The following ASIC2 variants were observed in gnomAD, a reference collection of about 807,000 sequenced individuals.
ASIC2 encodes acid sensing ion channel subunit 2, also known as acid-sensing ion channel 2.
A neutral mutation model predicts 57.3 loss-of-function variants in ASIC2; 25 were observed. The observed-to-expected ratio is 0.44, with a 90% CI of 0.32 to 0.61. The LOEUF (loss-of-function observed/expected upper bound fraction) is 0.61. ASIC2 is among the 20% of genes least tolerant of loss of function. The pLI is 0.06. For synonymous variants in ASIC2, 319 were observed against 307.5 expected, an observed-to-expected ratio of 1.04 and a Z score of -0.39; for missense variants, 641 against 738.1, an observed-to-expected ratio of 0.87 and a Z score of 1.52.
chr17:34,116,836 AC>A (rs1911436029), intron 1 of ASIC2, among the ~76,000 whole-genome samples: 9 of 152,100 alleles, frequency 5.9e-5, no homozygotes, highest in Middle Eastern at 3.4e-3. Flanking sequence ...AGACTCCGAT[AC>A]CTTTTGCAAG....
chr17:33,956,171 A>C (rs999471693), intron 1 of ASIC2, among the ~76,000 whole-genome samples: 2 of 152,202 alleles, frequency 1.3e-5, no homozygotes, highest in South Asian at 2.1e-4. Context: ...TGTTGAAGGA[A>C]TGCTTGGGCA....
intron 2 of ASIC2, among the ~76,000 whole-genome samples, chr17:33,110,726 A>G (rs2092254624): frequency 6.6e-6 from 1 of 152,150 alleles, no homozygotes; most frequent in South Asian, 2.1e-4. Flanking sequence ...AAGCCTGGGT[A>G]TGGTGAGTGC....
intron 1 of ASIC2, among the ~76,000 whole-genome samples, chr17:33,285,230 T>C (rs1180905121): frequency 6.6e-6 from 1 of 152,244 alleles, no homozygotes; most frequent in Non-Finnish European, 1.5e-5. Flanking sequence ...ATCCTGATGT[T>C]GGTCATTTTG....
At chr17:33,346,097 G>A (rs187719284) in intron 1 of ASIC2, among the ~76,000 whole-genome samples, 8 of 151,668 alleles carry the variant, frequency 5.3e-5, no homozygotes, top group South Asian at 2.1e-4. Flanking sequence ...CATGGTCGTG[G>A]GCGTCTGTAA....
At chr17:33,297,707 C>G (rs1346681810), upstream of ASIC2, among the ~76,000 whole-genome samples, 2 of 151,874 alleles carry the variant, frequency 1.3e-5, no homozygotes, top group African/African-American at 4.8e-5. Flanking sequence ...GTCTGTAGTT[C>G]TAGTTACTCA....
chr17:33,545,711 C>A (rs1282508953), intron 1 of ASIC2, among the ~76,000 whole-genome samples: 1 of 152,146 alleles, frequency 6.6e-6, no homozygotes, highest in Non-Finnish European at 1.5e-5. Flanking sequence ...TCAATCAGTC[C>A]TATTTATTAT....
chr17:33,357,817 C>T (rs1394388), intron 1 of ASIC2, among the ~76,000 whole-genome samples: 150,250 of 152,286 alleles, frequency 0.99, 74,138 homozygotes, highest in South Asian at 1. Context: ...TCCTAAATTC[C>T]GGGGTCTATT....
At chr17:33,038,382 C>T (rs985549975) in intron 3 of ASIC2, among the ~76,000 whole-genome samples, 10 of 152,196 alleles carry the variant, frequency 6.6e-5, no homozygotes, top group Non-Finnish European at 8.8e-5. Context: ...ATGACTCCTG[C>T]CCGGTTCAGA....
At chr17:33,779,170 T>C (rs1017950675) in intron 1 of ASIC2, among the ~76,000 whole-genome samples, 1 of 152,146 alleles carries the variant, frequency 6.6e-6, no homozygotes, top group Non-Finnish European at 1.5e-5. Context: ...CTATTGGCAG[T>C]CATTTTGTAA....
chr17:33,855,181 G>C (rs1241078125), intron 1 of ASIC2, among the ~76,000 whole-genome samples: 1 of 152,180 alleles, frequency 6.6e-6, no homozygotes, highest in East Asian at 1.9e-4. Context: ...GCTGTGAGCT[G>C]CTCCTGCAAA....
intron 1 of ASIC2, among the ~76,000 whole-genome samples, chr17:33,472,234 G>T (rs1913078155): frequency 6.6e-6 from 1 of 151,846 alleles, no homozygotes; most frequent in Non-Finnish European, 1.5e-5. Context: ...TGGCCAGTCT[G>T]GTCTCGAACT....
At chr17:33,438,829 AT>A (rs1911720757) in intron 1 of ASIC2, among the ~76,000 whole-genome samples, 1 of 151,458 alleles carries the variant, frequency 6.6e-6, no homozygotes, top group Non-Finnish European at 1.5e-5. Context: ...GGGTGGAGAA[AT>A]AATGATGGCA....
At chr17:34,101,204 G>A (rs1164455763) in intron 1 of ASIC2, among the ~76,000 whole-genome samples, 3 of 152,160 alleles carry the variant, frequency 2.0e-5, no homozygotes, top group African/African-American at 7.2e-5. Flanking sequence ...AATGGCTGTT[G>A]AGCATCCCAA....
Position 34,156,345 on chromosome 17 carries a change from C to G in ASIC2, c.188G>C (p.Arg63Thr). 1.9e-6 allele frequency: 3 copies of G among 1,614,226 alleles called. No homozygotes were observed. Among genetic ancestry groups the G allele is most frequent in the Non-Finnish European group, 2.5e-6 (3 of 1,180,044 alleles). ...CTGGTAGGAGAAGTAGTAGGACACC[C>G]TCTCAGAGCTCTCCACCAGCAGCAG... Residue 63 changes from arginine to threonine, a missense_variant, in exon 1 of 10, where the codon AGG (arginine) becomes ACG (threonine). Arg to Thr is a moderately conservative substitution (Grantham distance 71). Coordinates refer to the ASIC2 transcript ENST00000359872. The surrounding 1 kb of genome is among the most constrained non-coding windows in gnomAD (Gnocchi z 4.4).
intron 1 of ASIC2, among the ~76,000 whole-genome samples, chr17:34,017,791 G>A (rs1241354089): frequency 6.6e-6 from 1 of 152,212 alleles, no homozygotes; most frequent in East Asian, 1.9e-4. Context: ...TGACATCTGA[G>A]AGAGGTGAGA....
At chr17:33,846,788 G>C (rs571624185) in intron 1 of ASIC2, among the ~76,000 whole-genome samples, 2 of 150,618 alleles carry the variant, frequency 1.3e-5, no homozygotes, top group South Asian at 2.1e-4. Context: ...GCAGTGGCAC[G>C]ATCTCGGCTC....
intron 1 of ASIC2, among the ~76,000 whole-genome samples, chr17:33,258,369 A>C (rs1025082184): frequency 1.3e-5 from 2 of 152,190 alleles, no homozygotes; most frequent in African/African-American, 4.8e-5. Context: ...AAGAGTCAGG[A>C]GTGATCCATG....
At chr17:33,284,105 G>C (rs988295520) in intron 1 of ASIC2, among the ~76,000 whole-genome samples, 1 of 152,258 alleles carries the variant, frequency 6.6e-6, no homozygotes, top group African/African-American at 2.4e-5. Flanking sequence ...TGTGGAATCG[G>C]AGGAAACAAT....
At chr17:33,749,766 C>A (rs754619046) in intron 1 of ASIC2, among the ~76,000 whole-genome samples, 15 of 152,184 alleles carry the variant, frequency 9.9e-5, no homozygotes, top group Non-Finnish European at 2.1e-4. Context: ...CCAATTTGGT[C>A]TCTGTCATGC....
Sources: gnomAD v4.1 joint callset for allele counts (sites outside exome capture counted in the v4.1 genomes callset) on GRCh38, gnomAD v4.1.1 for gene constraint, Gnocchi (gnomAD v3.1) non-coding constraint, MANE v1.5 for transcripts, NCBI Gene and HGNC (gene_info 2026-07-23, HGNC 2026-07-21) for gene names.